Variants in BRIP1 observed in about 807,000 individuals in gnomAD.
BRIP1 encodes the protein Fanconi anemia group J protein.
Under a neutral mutation model 119.7 loss-of-function variants are expected in BRIP1, and 88 were observed. The ratio of observed to expected loss-of-function variants is 0.74; its 90% CI spans 0.62 to 0.88. The LOEUF (loss-of-function observed/expected upper bound fraction) is 0.88, where lower values mean the gene tolerates loss of function less well. BRIP1 is among the 40% of genes least tolerant of loss of function. BRIP1 has a pLI of 0.00. For synonymous variants in BRIP1, 443 were observed against 496.5 expected (o/e 0.89, Z 1.43); for missense variants, 1,259 against 1,455.4 (o/e 0.87, Z 2.20).
chr17:61,764,440 T>A (rs1371551088), intron 14 of BRIP1, among the ~76,000 whole-genome samples: 1 of 152,182 alleles, frequency 6.6e-6, no homozygotes, highest in Non-Finnish European at 1.5e-5. Flanking sequence ...GTGGTGTCAC[T>A]TTTTTGTCCC....
intron 16 of BRIP1, among the ~76,000 whole-genome samples, chr17:61,727,484 G>T (rs1409699039): frequency 6.6e-6 from 1 of 152,040 alleles, no homozygotes; most frequent in African/African-American, 2.4e-5. Flanking sequence ...TTATATTTCA[G>T]GGCCAGGTGT....
rs920182910 is a variant in BRIP1 at position 61,701,650 on chromosome 17, T to C, written c.2493-8138A>G. 9.2e-5 allele frequency among the ~76,000 whole-genome samples: 14 copies of C among 152,230 alleles called. 1 individual carries two copies. Among genetic ancestry groups the C allele is most frequent in the Admixed American group, 8.5e-4 (13 of 15,286 alleles). The stretch of plus-strand genomic sequence containing the variant: ...ATGGCCCACTAAAATCCCAGGAATA[T>C]GTCAGAACTTTAAAAGCTCTCTATG... On this transcript the variant is annotated intron_variant, in intron 17 of 19. Coordinates refer to ENST00000259008, the MANE Select transcript of BRIP1 (RefSeq NM_032043.3). The surrounding 1 kb of genome is among the most constrained non-coding windows in gnomAD (Gnocchi z 5.1).
intron 7 of BRIP1, 147 bp from the exon 8 acceptor site, chr17:61,801,621 T>C: frequency 1.4e-6 from 1 of 740,048 alleles, no homozygotes; most frequent in Non-Finnish European, 2.2e-6. Flanking sequence ...TAATTTTTTG[T>C]CTTTTTTGAG....
In BRIP1 at chr17:61,861,605, C is replaced by T. The variant is rs145888170; in HGVS notation, c.-30-36G>A. The T allele has an allele frequency of 2.0e-5, 25 of 1,226,658 alleles. No individual in the cohort carries two copies. Among genetic ancestry groups the T allele is most frequent in the African/African-American group, 5.9e-5 (4 of 67,268 alleles). The allele number at this position is 1,226,658 out of a possible 1,614,324, so 76.0% of individuals were successfully genotyped here. On this transcript the variant is annotated intron_variant, in intron 1 of 19. Transcript: ENST00000259008. The surrounding 1 kb of genome is among the most constrained non-coding windows in gnomAD (Gnocchi z 4.5). ...AATGAAAATGTCAAATATTGAGACA[C>T]GCCTTACAAAGAAAACCAGAGAACC...
rs749784538 is a variant in BRIP1 at position 61,861,409 on chromosome 17, A to G, written c.93+38T>C. 9.1e-6 allele frequency: 12 copies of G among 1,316,586 alleles called. No homozygotes were observed. Among genetic ancestry groups the G allele is most frequent in the South Asian group, 2.4e-5 (2 of 84,592 alleles). 81.6% of individuals were successfully genotyped at this position (1,316,586 alleles called of 1,614,324 possible). A position where few individuals can be genotyped will look rare whatever the true frequency, so the allele number is the denominator to read the frequency against. On this transcript the variant is annotated intron_variant, in intron 2 of 19. Coordinates refer to ENST00000259008, the MANE Select transcript of BRIP1 (RefSeq NM_032043.3). This position sits in a 1 kb window ranked among gnomAD's most constrained non-coding sequence, Gnocchi z 4.5. The stretch of plus-strand genomic sequence containing the variant: ...TGTACTTTATGGGTCATAAGTATCT[A>G]TATCTTAATAAAAACTTAACTGCTG...
At position 61,846,662 on chromosome 17, in the gene BRIP1, C is replaced by T. The variant is rs551022219; in HGVS notation, c.627+439G>A. ...TTGGCCTCCCAAAGTGCTGGGATTA[C>T]AGGCGTGAGCCACCACGCCTGGCCT... On this transcript the variant is annotated intron_variant, in intron 6 of 19. Coordinates refer to ENST00000259008, the MANE Select transcript of BRIP1 (RefSeq NM_032043.3). This position sits in a 1 kb window ranked among gnomAD's most constrained non-coding sequence, Gnocchi z 4.3. Among the ~76,000 whole-genome samples the T allele has an allele frequency of 4.0e-5, 5 of 124,018 alleles. No individual in the cohort carries two copies. The South Asian group carries it at 1.0e-3, about 26-fold the overall frequency. 81.4% of individuals were successfully genotyped at this position (124,018 alleles called of 152,430 possible).
In BRIP1 at chr17:61,735,684, C is replaced by T. The variant is rs2076908100; in HGVS notation, c.2379+7329G>A. Among the ~76,000 whole-genome samples, 1 of 151,774 alleles carries T rather than the reference C, an allele frequency of 6.6e-6. No homozygotes were observed. The highest frequency in any genetic ancestry group is 2.1e-4 in the South Asian group (1 of 4,788). On this transcript the variant is annotated intron_variant, in intron 16 of 19. Transcript: ENST00000259008. The surrounding 1 kb of genome is among the most constrained non-coding windows in gnomAD (Gnocchi z 4.4). ...GGTGTGGTGGCGTGTGGCTGTAGTG[C>T]CAGCTACCCAGGAGGCTGAGGTGGG...
At position 61,686,983 on chromosome 17, in the gene BRIP1, TAAA is replaced by T. The variant is rs1458923989; in HGVS notation, c.2576-821_2576-819del. 6.6e-6 allele frequency among the ~76,000 whole-genome samples: 1 copy of T among 152,136 alleles called. No individual in the cohort carries two copies. Among genetic ancestry groups the T allele is most frequent in the Non-Finnish European group, 1.5e-5 (1 of 68,004 alleles). ...AAATTTAAGTTCTAGATTTTAAAACTAAAAAAATTTTAAATAAGCCATTTCCCT... is the reference window on the plus strand; with the variant it reads ...AAATTTAAGTTCTAGATTTTAAAACTAAAATTTTAAATAAGCCATTTCCCT... On this transcript the variant is annotated intron_variant, in intron 18 of 19. Transcript: ENST00000259008. The surrounding 1 kb of genome is among the most constrained non-coding windows in gnomAD (Gnocchi z 5.4).
chr17:61,710,973 G>A lies in BRIP1; in HGVS notation c.2492+4978C>T, dbSNP rs2061762206. ...GGAGAATCGCTTGAACTTGGGTGGAGGAAGATGCAGTGAGCCAAGACTGCA... is the reference window on the plus strand; with the variant it reads ...GGAGAATCGCTTGAACTTGGGTGGAAGAAGATGCAGTGAGCCAAGACTGCA... On this transcript the variant is annotated intron_variant, in intron 17 of 19. Transcript: ENST00000259008. This position sits in a 1 kb window ranked among gnomAD's most constrained non-coding sequence, Gnocchi z 5.4. 6.7e-6 allele frequency among the ~76,000 whole-genome samples: 1 copy of A among 149,506 alleles called. No homozygotes were observed. Among genetic ancestry groups the A allele is most frequent in the Non-Finnish European group, 1.5e-5 (1 of 67,652 alleles).
chr17:61,837,374 C>T (rs1416631421), intron 6 of BRIP1, among the ~76,000 whole-genome samples: 19 of 152,086 alleles, frequency 1.2e-4, no homozygotes, highest in South Asian at 4.1e-4. Flanking sequence ...GCCTAAGGAT[C>T]GCCCCAGTGT....
chr17:61,713,977 TAA>T lies in BRIP1; in HGVS notation c.2492+1972_2492+1973del, dbSNP rs200696609. Reference sequence around the variant, plus strand: ...AAGTGTTGTAAAAGAGTCAAAAAGGTAAAAAAAAAGATAAAAAGATAAAAAGT... The same window carrying T: ...AAGTGTTGTAAAAGAGTCAAAAAGGTAAAAAAAGATAAAAAGATAAAAAGT... On this transcript the variant is annotated intron_variant, in intron 17 of 19. Coordinates refer to ENST00000259008, the MANE Select transcript of BRIP1 (RefSeq NM_032043.3). The surrounding 1 kb of genome is among the most constrained non-coding windows in gnomAD (Gnocchi z 4.9). 6.7e-6 allele frequency among the ~76,000 whole-genome samples: 1 copy of T among 150,308 alleles called. No individual in the cohort carries two copies.
intron 16 of BRIP1, 78 bp from the exon 17 acceptor site, chr17:61,716,141 T>C: frequency 2.3e-6 from 2 of 877,046 alleles, no homozygotes; most frequent in Non-Finnish European, 3.4e-6. Flanking sequence ...CTTCTAACAG[T>C]TTGAATATAC....
At chr17:61,716,098 G>A (rs1178335895) in intron 16 of BRIP1, 35 bp from the exon 17 acceptor site, 1 of 1,241,334 alleles carries the variant, frequency 8.1e-7, no homozygotes, top group Non-Finnish European at 1.1e-6. Flanking sequence ...AAAATTAGTA[G>A]ATAATTAAAG....
Position 61,805,692 on chromosome 17 carries a change from AATTCTGTG to A in BRIP1, c.918+2767_918+2774del, listed in dbSNP as rs2078064179. On this transcript the variant is annotated intron_variant, in intron 7 of 19. Coordinates refer to ENST00000259008, the MANE Select transcript of BRIP1 (RefSeq NM_032043.3). This position sits in a 1 kb window ranked among gnomAD's most constrained non-coding sequence, Gnocchi z 5.6. The stretch of plus-strand genomic sequence containing the variant: ...TCTCTAAAATTCCTTCCAGCTCTAA[AATTCTGTG>A]ATTCAGGTAAAAACGTGTCAATCAT... Among the ~76,000 whole-genome samples the A allele has an allele frequency of 6.6e-6, 1 of 152,158 alleles. No homozygotes were observed. The highest frequency in any genetic ancestry group is 1.5e-5 in the Non-Finnish European group (1 of 68,018).
chr17:61,854,202 G>A (rs946140692), intron 4 of BRIP1, among the ~76,000 whole-genome samples: 4 of 152,094 alleles, frequency 2.6e-5, no homozygotes, highest in African/African-American at 7.2e-5. Context: ...CCAGGAGGCA[G>A]GGGTTGCAAT....
At chr17:61,714,537 A>G (rs1274893186) in intron 17 of BRIP1, among the ~76,000 whole-genome samples, 1 of 152,182 alleles carries the variant, frequency 6.6e-6, no homozygotes, top group Non-Finnish European at 1.5e-5. Flanking sequence ...GTAGTAGACT[A>G]TACTATCTAG....
chr17:61,839,787 C>G (rs1233867484), intron 6 of BRIP1, among the ~76,000 whole-genome samples: 1 of 152,040 alleles, frequency 6.6e-6, no homozygotes, highest in Non-Finnish European at 1.5e-5. Context: ...TAGAGTTATA[C>G]CACCTAAAGC....
chr17:61,725,479 T>C lies in BRIP1; in HGVS notation c.2380-9416A>G, dbSNP rs546598227. 1.3e-5 allele frequency among the ~76,000 whole-genome samples: 2 copies of C among 152,308 alleles called. No individual in the cohort carries two copies. Among genetic ancestry groups the C allele is most frequent in the African/African-American group, 4.8e-5 (2 of 41,578 alleles). The stretch of plus-strand genomic sequence containing the variant: ...AGAAATAGAACAAAATATATCCCTC[T>C]GAAATCAGGTATCTCCTCTTCTCAA... On this transcript the variant is annotated intron_variant, in intron 16 of 19. Transcript: ENST00000259008. The surrounding 1 kb of genome is among the most constrained non-coding windows in gnomAD (Gnocchi z 5.3).
chr17:61,697,510 C>T (rs139383892), intron 17 of BRIP1, among the ~76,000 whole-genome samples: 424 of 152,022 alleles, frequency 2.8e-3, no homozygotes, highest in African/African-American at 9.8e-3. Context: ...AAGGTAGTAA[C>T]ATCCCCTCTT....
Sources: gnomAD v4.1 joint callset for allele counts (sites outside exome capture counted in the v4.1 genomes callset) on GRCh38, gnomAD v4.1.1 for gene constraint, Gnocchi (gnomAD v3.1) non-coding constraint, MANE v1.5 for transcripts, NCBI Gene and HGNC (gene_info 2026-07-23, HGNC 2026-07-21) for gene names.